Variants in CFAP47 observed in about 807,000 individuals in gnomAD.
CFAP47 encodes the protein cilia and flagella associated protein 47, also known as cilia- and flagella-associated protein 47.
A neutral mutation model predicts 148.1 loss-of-function variants in CFAP47; 29 were observed. The ratio of observed to expected loss-of-function variants is 0.20; its 90% CI spans 0.15 to 0.27. The LOEUF is 0.27. Ranked by LOEUF, CFAP47 falls within the 10% of genes least tolerant of loss-of-function variation. The pLI is 1.00. For synonymous variants in CFAP47, 664 were observed against 577.3 expected (o/e 1.15, Z -2.15); for missense variants, 1,872 against 1,697.5 (o/e 1.10, Z -1.81).
At chrX:36,203,161 C>T (rs1160641023) in intron 44 of CFAP47, among the ~76,000 whole-genome samples, 2 of 111,558 alleles carry the variant, frequency 1.8e-5, no homozygotes, top group African/African-American at 6.5e-5. Flanking sequence ...TTGATACTTT[C>T]TTGACTGCAC....
intron 42 of CFAP47, among the ~76,000 whole-genome samples, chrX:36,194,426 C>T (rs1470174495): frequency 9.0e-6 from 1 of 111,688 alleles, no homozygotes; most frequent in Admixed American, 9.6e-5. Context: ...TCCAAAGTCC[C>T]TTCCACATTT....
In CFAP47 at chrX:36,036,316, G is replaced by T. The variant is rs1352057980; in HGVS notation, c.3811+462G>T. On this transcript the variant is annotated intron_variant, in intron 24 of 63. Coordinates refer to ENST00000378653, the MANE Select transcript of CFAP47 (RefSeq NM_001304548.2). The stretch of plus-strand genomic sequence containing the variant: ...GATTATACAGTAATTGTCTTTCAGT[G>T]TCTGACTTATTTTACTTACAATAAT... Among the ~76,000 whole-genome samples, 4 of 109,723 alleles carry T rather than the reference G, an allele frequency of 3.6e-5. No individual in the cohort carries two copies. The East Asian group carries it at 8.6e-4, about 24-fold the overall frequency.
At chrX:36,298,678 T>C (rs2146956113) in intron 51 of CFAP47, among the ~76,000 whole-genome samples, 1 of 111,649 alleles carries the variant, frequency 9.0e-6, no homozygotes, top group East Asian at 2.8e-4. Context: ...GAAATAATGA[T>C]ACCAGTGAAA....
chrX:36,381,044 G>A (rs1942073690), intron 63 of CFAP47, among the ~76,000 whole-genome samples: 1 of 111,819 alleles, frequency 8.9e-6, no homozygotes, highest in Non-Finnish European at 1.9e-5. Context: ...TACAGTTTAT[G>A]TAGGGAAAAT....
intron 63 of CFAP47, among the ~76,000 whole-genome samples, chrX:36,383,181 A>T (rs1273954590): frequency 1.8e-5 from 2 of 111,973 alleles, no homozygotes; most frequent in African/African-American, 6.5e-5. Flanking sequence ...TTTAAATCTT[A>T]ATTGAATTTC....
chrX:35,992,926 A>G (rs1936805343), intron 17 of CFAP47, among the ~76,000 whole-genome samples: 1 of 110,814 alleles, frequency 9.0e-6, no homozygotes, highest in Admixed American at 9.7e-5. Context: ...TCTTGAAAGC[A>G]CTCCAGATAA....
At chrX:36,056,171 A>G (rs1467825175) in intron 26 of CFAP47, among the ~76,000 whole-genome samples, 1 of 111,895 alleles carries the variant, frequency 8.9e-6, no homozygotes, top group Non-Finnish European at 1.9e-5. Context: ...AGTATCATCT[A>G]CTTGCATTGT....
chrX:35,924,032 C>CGT lies in CFAP47; in HGVS notation c.250-1985_250-1984insGT, dbSNP rs1569201045. Among the ~76,000 whole-genome samples the CGT allele has an allele frequency of 3.5e-4, 33 of 95,457 alleles. 2 individuals carry two copies. The highest frequency in any genetic ancestry group is 1.3e-3 in the African/African-American group (31 of 23,106). The allele number at this position is 95,457 out of a possible 115,157, so 82.9% of individuals were successfully genotyped here. A position where few individuals can be genotyped will look rare whatever the true frequency, so the allele number is the denominator to read the frequency against. ...GTAAATATATATGCACATATATATGCACATATATGTGTATATGTACATGTA... is the reference window on the plus strand; with the variant it reads ...GTAAATATATATGCACATATATATGCGTACATATATGTGTATATGTACATGTA... On this transcript the variant is annotated intron_variant, in intron 1 of 63. Transcript: ENST00000378653.
intron 15 of CFAP47, among the ~76,000 whole-genome samples, chrX:35,984,906 G>GTA (rs1189017271): frequency 9.0e-6 from 1 of 111,512 alleles, no homozygotes; most frequent in African/African-American, 3.3e-5. Flanking sequence ...TGAGAGGAAT[G>GTA]TATACTCTGA....
Position 36,298,963 on chromosome X carries a change from T to C in CFAP47, c.7687-14T>C. ...ACACTAAAAGTTGATTACATATTTG[T>C]TGTATAATTCTAGGACAGCACTTGC... On this transcript the variant is annotated splice_polypyrimidine_tract_variant and intron_variant, in intron 51 of 63. Transcript: ENST00000378653. 9.1e-7 allele frequency: 1 copy of C among 1,097,833 alleles called. No individual in the cohort carries two copies. Among genetic ancestry groups the C allele is most frequent in the Non-Finnish European group, 1.2e-6 (1 of 812,917 alleles). 90.5% of individuals were successfully genotyped at this position (1,097,833 alleles called of 1,213,427 possible). A position where few individuals can be genotyped will look rare whatever the true frequency, so the allele number is the denominator to read the frequency against.
intron 21 of CFAP47, among the ~76,000 whole-genome samples, chrX:36,007,595 C>A (rs1274099975): frequency 8.9e-6 from 1 of 112,031 alleles, no homozygotes; most frequent in Non-Finnish European, 1.9e-5. Context: ...AAAGATAAGT[C>A]TTGTATTCTT....
chrX:36,227,792 A>G (rs1297618448), intron 45 of CFAP47, among the ~76,000 whole-genome samples: 2 of 112,090 alleles, frequency 1.8e-5, no homozygotes, highest in Non-Finnish European at 3.8e-5. Flanking sequence ...ATAGTTTGGC[A>G]TTAACTATGA....
chrX:36,073,376 A>G lies in CFAP47; in HGVS notation c.4691+12A>G, dbSNP rs1316085875. 9.2e-7 allele frequency: 1 copy of G among 1,084,327 alleles called. No individual in the cohort carries two copies. The highest frequency in any genetic ancestry group is 1.3e-6 in the Non-Finnish European group (1 of 786,924). The allele number at this position is 1,084,327 out of a possible 1,213,427, so 89.4% of individuals were successfully genotyped here. A position where few individuals can be genotyped will look rare whatever the true frequency, so the allele number is the denominator to read the frequency against. ...GAGACTATAAGAAGGTGAGAGTCCCATGTTTCTCTAAATTCTTTGCTTCAT... is the reference window on the plus strand; with the variant it reads ...GAGACTATAAGAAGGTGAGAGTCCCGTGTTTCTCTAAATTCTTTGCTTCAT... On this transcript the variant is annotated intron_variant, in intron 29 of 63. Coordinates refer to ENST00000378653, the MANE Select transcript of CFAP47 (RefSeq NM_001304548.2).
At chrX:36,233,073 G>A (rs1940391947) in intron 46 of CFAP47, among the ~76,000 whole-genome samples, 1 of 111,952 alleles carries the variant, frequency 8.9e-6, no homozygotes, top group African/African-American at 3.3e-5. Context: ...GTGTGGTGCT[G>A]AGAAGAATGT....
At chrX:36,325,636 A>G (rs1556012898) in intron 57 of CFAP47, among the ~76,000 whole-genome samples, 1 of 110,849 alleles carries the variant, frequency 9.0e-6, no homozygotes, top group Non-Finnish European at 1.9e-5. Flanking sequence ...AGGTGGGGAC[A>G]AAGGTGTCAG....
At chrX:36,310,708 A>G (rs1368479682) in intron 55 of CFAP47, 125 bp from the exon 56 acceptor site, 7 of 348,841 alleles carry the variant, frequency 2.0e-5, no homozygotes, top group Non-Finnish European at 3.4e-5. Flanking sequence ...AAATAAAACA[A>G]TGCTTTTTAA....
rs774144313 is a variant in CFAP47, at chrX:36,073,256, A to G, written c.4583A>G (p.Lys1528Arg). ...EQFLSLEEGTKAHYFFEKVVN... is the reference protein window; with the variant it reads ...EQFLSLEEGTRAHYFFEKVVN... The stretch of plus-strand genomic sequence containing the variant: ...TTCCTTTCTCTTGAGGAAGGAACAA[A>G]GGCACACTACTTTTTTGAGAAGGTT... Residue 1528 changes from lysine to arginine, a missense_variant, in exon 29 of 64, where the codon AAG becomes AGG. By Grantham distance (26) the Lys-to-Arg change is conservative. Coordinates refer to ENST00000378653, the MANE Select transcript of CFAP47 (RefSeq NM_001304548.2). 1 of 1,209,653 alleles carries G rather than the reference A, an allele frequency of 8.3e-7. No homozygotes were observed. The highest frequency in any genetic ancestry group is 1.1e-6 in the Non-Finnish European group (1 of 893,828).
chrX:36,162,650 C>T (rs767310769), intron 39 of CFAP47, among the ~76,000 whole-genome samples: 2 of 111,623 alleles, frequency 1.8e-5, no homozygotes, highest in African/African-American at 6.5e-5. Flanking sequence ...ATAAGGCAAT[C>T]CAGTCTATAT....
intron 29 of CFAP47, among the ~76,000 whole-genome samples, chrX:36,081,954 A>T (rs1196223291): frequency 8.9e-6 from 1 of 111,823 alleles, no homozygotes; most frequent in South Asian, 3.7e-4. Context: ...GACCACTGCT[A>T]TTCAAAATAG....
Sources: gnomAD v4.1 joint callset for allele counts (sites outside exome capture counted in the v4.1 genomes callset) on GRCh38, gnomAD v4.1.1 for gene constraint, MANE v1.5 for transcripts, NCBI Gene and HGNC (gene_info 2026-07-23, HGNC 2026-07-21) for gene names.